Variants in ACVR1 observed in about 807,000 individuals in gnomAD.
ACVR1 encodes activin A receptor type 1, also known as activin receptor type-1.
A neutral mutation model predicts 57.1 loss-of-function variants in ACVR1; 38 were observed. That is an observed-to-expected ratio of 0.67 (90% confidence interval 0.51 to 0.87). ACVR1 has a LOEUF of 0.87. ACVR1 is among the 40% of genes least tolerant of loss of function. The probability of loss-of-function intolerance (pLI) is 0.00; values close to 1 mark genes in which losing one functional copy is unlikely to be tolerated. For missense variants in ACVR1, 463 were observed against 638.2 expected, an observed-to-expected ratio of 0.73 and a Z score of 2.96; for synonymous variants, 212 against 228.1, an observed-to-expected ratio of 0.93 and a Z score of 0.63.
intron 2 of ACVR1, among the ~76,000 whole-genome samples, chr2:157,808,979 T>G (rs555202802): frequency 9.0e-4 from 137 of 151,954 alleles, no homozygotes; most frequent in East Asian, 5.0e-3. Context: ...ATTACAGCAA[T>G]GTGAGGCAAG....
intron 1 of ACVR1, among the ~76,000 whole-genome samples, chr2:157,832,274 CATT>C (rs1688608362): frequency 6.6e-6 from 1 of 152,102 alleles, no homozygotes; most frequent in South Asian, 2.1e-4. Flanking sequence ...TTCAGACTAA[CATT>C]AGTAAATGGC....
chr2:157,854,471 C>T (rs1293139879), intron 1 of ACVR1, among the ~76,000 whole-genome samples: 2 of 152,048 alleles, frequency 1.3e-5, no homozygotes, highest in Admixed American at 6.6e-5. Flanking sequence ...GCCTGTAATC[C>T]CAGCCCTTTG....
chr2:157,854,230 T>C (rs1689426853), intron 1 of ACVR1, among the ~76,000 whole-genome samples: 1 of 152,118 alleles, frequency 6.6e-6, no homozygotes, highest in African/African-American at 2.4e-5. Flanking sequence ...AGCATTTTTT[T>C]CTTCCTAACA....
intron 1 of ACVR1, among the ~76,000 whole-genome samples, chr2:157,819,928 C>CT (rs911090103): frequency 9.3e-5 from 14 of 151,234 alleles, no homozygotes; most frequent in South Asian, 2.1e-4. Context: ...AAAACAGCGC[C>CT]TTTTTTTTTA....
chr2:157,870,314 G>A (rs71421055), intron 1 of ACVR1, among the ~76,000 whole-genome samples: 4,634 of 152,204 alleles, frequency 0.03, 98 homozygotes, highest in South Asian at 0.072. Context: ...TGGCTAAAAC[G>A]GAATCCCCCA....
chr2:157,759,791 T>C (rs936603888), intron 9 of ACVR1, among the ~76,000 whole-genome samples: 3 of 152,058 alleles, frequency 2.0e-5, no homozygotes, highest in Admixed American at 6.6e-5. Flanking sequence ...GTTCAACACA[T>C]GCAAATTAAT....
chr2:157,831,509 AAAAC>A (rs1688579539), intron 1 of ACVR1, among the ~76,000 whole-genome samples: 1 of 152,254 alleles, frequency 6.6e-6, no homozygotes, highest in Admixed American at 6.5e-5. Flanking sequence ...GAAAAATCAA[AAAAC>A]AAATAGGTGC....
chr2:157,826,986 A>T (rs1688410651), intron 1 of ACVR1, among the ~76,000 whole-genome samples: 3 of 152,126 alleles, frequency 2.0e-5, no homozygotes, highest in Admixed American at 2.0e-4. Flanking sequence ...AAAAAGCATT[A>T]ATAATTTCAA....
chr2:157,845,396 G>A (rs1177445493), intron 1 of ACVR1, among the ~76,000 whole-genome samples: 1 of 152,178 alleles, frequency 6.6e-6, no homozygotes. Flanking sequence ...GAGGCACAGA[G>A]AGAAGGTCAT....
At chr2:157,748,202 C>A (rs1000678518) in intron 9 of ACVR1, among the ~76,000 whole-genome samples, 2 of 152,242 alleles carry the variant, frequency 1.3e-5, no homozygotes, top group East Asian at 1.9e-4. Context: ...ACACAGGGAA[C>A]GGGTTTGCAA....
In ACVR1 at chr2:157,847,562, C is replaced by A. The variant is rs76954199; in HGVS notation, c.-183+28234G>T. 2.4e-3 allele frequency among the ~76,000 whole-genome samples: 361 copies of A among 152,290 alleles called. 10 individuals carry two copies. The East Asian group carries it at 0.062, about 26-fold the overall frequency. The stretch of plus-strand genomic sequence containing the variant: ...TAACCACTGTTAAGTCCCAACCCAT[C>A]TGGGTGTCAGATGTGAGACTCAGTT... On this transcript the variant is annotated intron_variant, in intron 1 of 10. Transcript: ENST00000434821.
chr2:157,765,986 T>C lies in ACVR1; in HGVS notation c.1001A>G (p.His334Arg). 2 of 1,614,198 alleles carry C rather than the reference T, an allele frequency of 1.2e-6. No homozygotes were observed. The highest frequency in any genetic ancestry group is 1.1e-5 in the South Asian group (1 of 91,088). The change falls in exon 8 of 11, where the codon CAT (histidine) becomes CGT (arginine). Residue 334 changes from histidine to arginine, a missense_variant. Transcript: ENST00000434821. ...AATATTTTTGCTCTTTAAATCTCGA[T>C]GGGCAATGGCTGGTTTCCCTTGGGT... ...FGTQGKPAIA[H>R]RDLKSKNILV...
intron 1 of ACVR1, among the ~76,000 whole-genome samples, chr2:157,824,304 C>T (rs1227160982): frequency 6.6e-6 from 1 of 151,946 alleles, no homozygotes; most frequent in African/African-American, 2.4e-5. Context: ...CCCATCTCTA[C>T]AAAAAATTTA....
intron 3 of ACVR1, among the ~76,000 whole-genome samples, chr2:157,789,793 G>A (rs1177183635): frequency 6.6e-6 from 1 of 152,168 alleles, no homozygotes; most frequent in Non-Finnish European, 1.5e-5. Flanking sequence ...ACAATCACTA[G>A]GGATTAAAGA....
At chr2:157,796,526 C>T (rs1436131708) in intron 3 of ACVR1, among the ~76,000 whole-genome samples, 2 of 152,074 alleles carry the variant, frequency 1.3e-5, no homozygotes, top group African/African-American at 4.8e-5. Context: ...TGCACCCCAA[C>T]CTGGGTGAAA....
At position 157,780,587 on chromosome 2, in the gene ACVR1, C is replaced by T. The variant is rs1343263230; in HGVS notation, c.81G>A (p.Lys27=). 2 of 1,613,342 alleles carry T rather than the reference C, an allele frequency of 1.2e-6. No homozygotes were observed. Among genetic ancestry groups the T allele is most frequent in the South Asian group, 1.1e-5 (1 of 91,028 alleles). Residue 27 remains lysine, a synonymous_variant, in exon 4 of 11, where the codon AAG becomes AAA. Coordinates refer to ENST00000434821, the MANE Select transcript of ACVR1 (RefSeq NM_001111067.4). ...PSPSMEDEKP[K]VNPKLYMCVC... is the part of the protein sequence containing the mutation. ...CACACATGTAGAGTTTGGGGTTGAC[C>T]TTGGGCTTCTCATCTGCAAAGGAGA...
intron 1 of ACVR1, among the ~76,000 whole-genome samples, chr2:157,830,474 C>T (rs898512463): frequency 1.3e-5 from 2 of 152,052 alleles, no homozygotes; most frequent in Non-Finnish European, 2.9e-5. Flanking sequence ...AGAGAACTAC[C>T]AACGTTTCTG....
intron 1 of ACVR1, among the ~76,000 whole-genome samples, chr2:157,824,956 G>T (rs969734135): frequency 5.9e-5 from 9 of 152,136 alleles, no homozygotes; most frequent in African/African-American, 2.2e-4. Flanking sequence ...ATGTTGGCCA[G>T]GCTGGTCTCG....
chr2:157,862,227 CATGTTT>C (rs1375912091), intron 1 of ACVR1, among the ~76,000 whole-genome samples: 11 of 151,910 alleles, frequency 7.2e-5, no homozygotes, highest in African/African-American at 2.7e-4. Context: ...TACTATGTTT[CATGTTT>C]ATGTTTATGG....
Sources: allele counts gnomAD v4.1 joint callset (sites outside exome capture counted in the v4.1 genomes callset), GRCh38; gene constraint gnomAD v4.1.1; transcripts MANE v1.5; gene names NCBI Gene and HGNC (gene_info 2026-07-23, HGNC 2026-07-21).